TACC1: variants seen among roughly 807,000 people sequenced by gnomAD.
TACC1 encodes transforming acidic coiled-coil containing protein 1, also known as transforming acidic coiled-coil-containing protein 1.
TACC1 carries 48 observed loss-of-function variants against 84.4 expected under a neutral mutation model. The observed-to-expected ratio is 0.57, with a 90% CI of 0.45 to 0.72. TACC1 has a LOEUF of 0.72. TACC1 is among the 30% of genes least tolerant of loss of function. The probability of loss-of-function intolerance (pLI) is 0.00; values close to 1 mark genes in which losing one functional copy is unlikely to be tolerated. For missense variants in TACC1, 920 were observed against 973.0 expected, an observed-to-expected ratio of 0.95 and a Z score of 0.72; for synonymous variants, 372 against 376.3, an observed-to-expected ratio of 0.99 and a Z score of 0.13.
chr8:38,811,816 A>G lies in TACC1; in HGVS notation c.278-7706A>G, dbSNP rs796130332. 4.6e-5 allele frequency among the ~76,000 whole-genome samples: 7 copies of G among 152,352 alleles called. 1 individual carries two copies. Among genetic ancestry groups the G allele is most frequent in the African/African-American group, 1.7e-4 (7 of 41,586 alleles). ...CCGGGAACAAGGGAAGACAACCATA[A>G]GGTCTGACTGCCTGTGGGGTCGGGC... On this transcript the variant is annotated intron_variant, in intron 2 of 12. Transcript: ENST00000317827.
At chr8:38,835,493 G>A (rs538851306) in intron 6 of TACC1, among the ~76,000 whole-genome samples, 8 of 152,200 alleles carry the variant, frequency 5.3e-5, no homozygotes, top group Non-Finnish European at 1.0e-4. Context: ...CAACACACAG[G>A]CATGGTCCTT....
At chr8:38,768,065 CTTGAAGGA>C (rs1812592473) in intron 3 of TACC1, among the ~76,000 whole-genome samples, 1 of 120,550 alleles carries the variant, frequency 8.3e-6, no homozygotes, top group African/African-American at 3.2e-5. Context: ...GAGACGCTGT[CTTGAAGGA>C]AGGAAGGAAG....
intron 2 of TACC1, among the ~76,000 whole-genome samples, chr8:38,814,995 A>T (rs1000038467): frequency 3.3e-5 from 5 of 152,248 alleles, no homozygotes; most frequent in Non-Finnish European, 2.9e-5. Flanking sequence ...TTCTTCCAGT[A>T]TATCAGTTTG....
At position 38,819,993 on chromosome 8, in the gene TACC1, C is replaced by G. The variant is rs763497334; in HGVS notation, c.749C>G (p.Thr250Ser). The change falls in exon 3 of 13, where the codon ACC becomes AGC. Residue 250 changes from threonine to serine, a missense_variant. Coordinates refer to ENST00000317827, the MANE Select transcript of TACC1 (RefSeq NM_006283.3). ...KKAIGGEFSD[T>S]NAAVEGTPLP... Reference sequence around the variant, plus strand: ...GCAATTGGAGGAGAGTTCTCAGACACCAACGCTGCTGTGGAGGGCACACCT... The same window carrying G: ...GCAATTGGAGGAGAGTTCTCAGACAGCAACGCTGCTGTGGAGGGCACACCT... The G allele has an allele frequency of 2.5e-6, 4 of 1,613,934 alleles. No individual in the cohort carries two copies. Among genetic ancestry groups the G allele is most frequent in the African/African-American group, 1.3e-5 (1 of 74,926 alleles).
chr8:38,810,773 C>A (rs919081791), intron 2 of TACC1, among the ~76,000 whole-genome samples: 1 of 152,080 alleles, frequency 6.6e-6, no homozygotes, highest in African/African-American at 2.4e-5. Context: ...ATTCCCAGCC[C>A]AGATTTCTTC....
At chr8:38,774,529 A>G (rs954301740) in intron 3 of TACC1, among the ~76,000 whole-genome samples, 2 of 152,182 alleles carry the variant, frequency 1.3e-5, no homozygotes, top group Admixed American at 1.3e-4. Flanking sequence ...GTCTCACTCT[A>G]TAGCCCAGGC....
intron 12 of TACC1, 33 bp from the exon 13 acceptor site, chr8:38,847,922 G>A: frequency 6.3e-7 from 1 of 1,585,740 alleles, no homozygotes; most frequent in Non-Finnish European, 8.7e-7. Flanking sequence ...AGAATACAAA[G>A]TGGCCTGCAT....
At chr8:38,757,115 C>T in intron 3 of TACC1, 1 of 470,398 alleles carries the variant, frequency 2.1e-6, no homozygotes, top group Non-Finnish European at 3.1e-6. Context: ...CAGGCGGCAG[C>T]ACCCGCGGGG....
intron 3 of TACC1, among the ~76,000 whole-genome samples, chr8:38,822,531 G>GT (rs1240074323): frequency 6.6e-6 from 1 of 152,044 alleles, no homozygotes. Context: ...ATTTATTTAA[G>GT]TTTTTTTCCT....
chr8:38,819,785 A>G lies in TACC1; in HGVS notation c.541A>G (p.Lys181Glu), dbSNP rs771796293. The change falls in exon 3 of 13, where the codon AAG (lysine) becomes GAG (glutamate). Residue 181 changes from lysine to glutamate, a missense_variant. Lys to Glu is a moderately conservative substitution (Grantham distance 56, BLOSUM62 1). Around this residue, in one of 2 missense-constraint regions of TACC1, gnomAD observed 762 missense variants for 747.3 expected, o/e 1.02. Transcript: ENST00000317827. ...AHGCVTAVSGKALPSSPPDAL... is the reference protein window; with the variant it reads ...AHGCVTAVSGEALPSSPPDAL... ...TGGCTGTGTAACTGCAGTCTCAGGCAAGGCTCTGCCTTCCAGCCCGCCAGA... is the reference window on the plus strand; with the variant it reads ...TGGCTGTGTAACTGCAGTCTCAGGCGAGGCTCTGCCTTCCAGCCCGCCAGA... The G allele has an allele frequency of 1.2e-6, 2 of 1,613,976 alleles. No homozygotes were observed. Among genetic ancestry groups the G allele is most frequent in the East Asian group, 4.5e-5 (2 of 44,886 alleles).
chr8:38,742,581 C>T (rs1807279279), intron 2 of TACC1: 3 of 687,384 alleles, frequency 4.4e-6, no homozygotes, highest in Middle Eastern at 6.8e-4. Context: ...AAATAATGAT[C>T]GAGGAAAGAA....
chr8:38,808,662 T>G (rs1450027486), intron 2 of TACC1, among the ~76,000 whole-genome samples: 1 of 152,222 alleles, frequency 6.6e-6, no homozygotes, highest in Non-Finnish European at 1.5e-5. Flanking sequence ...GAACACCCCC[T>G]ACTTTGGCCT....
chr8:38,757,617 C>G (rs1227578226), intron 3 of TACC1, among the ~76,000 whole-genome samples: 1 of 152,070 alleles, frequency 6.6e-6, no homozygotes, highest in African/African-American at 2.4e-5. Flanking sequence ...CAGGACCCCA[C>G]CGCGACCGGA....
chr8:38,743,163 T>C (rs1375189613), intron 2 of TACC1, among the ~76,000 whole-genome samples: 1 of 152,072 alleles, frequency 6.6e-6, no homozygotes, highest in East Asian at 1.9e-4. Context: ...TGGGTTAGGG[T>C]ACAGATTTGC....
chr8:38,757,751 A>T (rs1158508848), intron 3 of TACC1, among the ~76,000 whole-genome samples: 1 of 152,078 alleles, frequency 6.6e-6, no homozygotes, highest in African/African-American at 2.4e-5. Context: ...TTCACAAGAC[A>T]GAGTTATTTG....
rs1267269732 is a variant in TACC1, at chr8:38,851,389, G to A, written c.*3366G>A. ...CAGGGAGTGTAAACTGCCCCCAGAT[G>A]TTCCTGGGCTGGGTAAAAGCAGCTG... On this transcript the variant is annotated 3_prime_UTR_variant, in exon 13 of 13. Transcript: ENST00000317827. The A allele has an allele frequency of 6.5e-6, 1 of 153,298 alleles. No individual in the cohort carries two copies. The highest frequency in any genetic ancestry group is 2.4e-5 in the African/African-American group (1 of 41,464). The allele number at this position is 153,298 out of a possible 1,614,324, so 9.5% of individuals were successfully genotyped here. A position where few individuals can be genotyped will look rare whatever the true frequency, so the allele number is the denominator to read the frequency against.
At chr8:38,836,436 C>G (rs531875405) in intron 7 of TACC1, 149 bp downstream of exon 7, 4 of 1,052,828 alleles carry the variant, frequency 3.8e-6, no homozygotes, top group Non-Finnish European at 5.4e-6. Context: ...AAAGGGCCCC[C>G]TGTGGCAGTG....
At chr8:38,770,346 C>A (rs1813330360) in intron 3 of TACC1, among the ~76,000 whole-genome samples, 1 of 152,090 alleles carries the variant, frequency 6.6e-6, no homozygotes, top group South Asian at 2.1e-4. Flanking sequence ...GCCTTCTGAA[C>A]AATCTCGAGG....
chr8:38,794,971 AT>A (rs1367239057), intron 2 of TACC1, among the ~76,000 whole-genome samples: 1 of 152,100 alleles, frequency 6.6e-6, no homozygotes, highest in East Asian at 1.9e-4. Context: ...GTATAATTCC[AT>A]GTTAAGGTAT....
Sources: gnomAD v4.1 joint callset for allele counts (sites outside exome capture counted in the v4.1 genomes callset) on GRCh38, gnomAD v4.1.1 for gene constraint, gnomAD v4.1.1 regional missense constraint, MANE v1.5 for transcripts, NCBI Gene and HGNC (gene_info 2026-07-23, HGNC 2026-07-21) for gene names.